Variants in KCNQ5 observed in about 807,000 individuals in gnomAD.
KCNQ5 encodes the protein potassium voltage-gated channel subfamily KQT member 5.
A neutral mutation model predicts 98.2 loss-of-function variants in KCNQ5; 30 were observed. The ratio of observed to expected loss-of-function variants is 0.31; its 90% confidence interval spans 0.23 to 0.41. The LOEUF (loss-of-function observed/expected upper bound fraction) is 0.41, where lower values mean the gene tolerates loss of function less well. Ranked by LOEUF, KCNQ5 falls within the 10% of genes least tolerant of loss-of-function variation. The probability of loss-of-function intolerance (pLI) is 1.00; values close to 1 mark genes in which losing one functional copy is unlikely to be tolerated. For synonymous variants in KCNQ5, 458 were observed against 449.4 expected (o/e 1.02, Z -0.24); for missense variants, 835 against 1,182.5 (o/e 0.71, Z 4.31).
At chr6:73,028,830 A>T (rs544758249) in intron 2 of KCNQ5, among the ~76,000 whole-genome samples, 3 of 152,198 alleles carry the variant, frequency 2.0e-5, no homozygotes, top group Non-Finnish European at 4.4e-5. Context: ...CTCATATATC[A>T]TTAAAGTACT....
At chr6:72,732,538 C>G (rs948881974) in intron 1 of KCNQ5, among the ~76,000 whole-genome samples, 20 of 152,190 alleles carry the variant, frequency 1.3e-4, no homozygotes, top group African/African-American at 4.8e-4. Flanking sequence ...ACTCTTATGT[C>G]TATCTTCAGT....
intron 1 of KCNQ5, among the ~76,000 whole-genome samples, chr6:72,994,570 A>G (rs1769195274): frequency 6.8e-6 from 1 of 148,148 alleles, no homozygotes; most frequent in African/African-American, 2.5e-5. Context: ...GGCACTCCCT[A>G]GTGAGATGAA....
At chr6:72,833,671 T>C (rs1006715775) in intron 1 of KCNQ5, among the ~76,000 whole-genome samples, 3 of 152,132 alleles carry the variant, frequency 2.0e-5, no homozygotes, top group African/African-American at 7.2e-5. Context: ...CTTTGCTTGG[T>C]TGATTTCTAA....
intron 3 of KCNQ5, among the ~76,000 whole-genome samples, chr6:73,068,466 A>C (rs77385907): frequency 0.041 from 6,307 of 152,318 alleles, 157 homozygotes; most frequent in East Asian, 0.11. Flanking sequence ...TAATAATAAT[A>C]GTAATAATAA....
intron 1 of KCNQ5, among the ~76,000 whole-genome samples, chr6:72,969,896 A>G (rs974430978): frequency 1.3e-5 from 2 of 152,174 alleles, no homozygotes; most frequent in African/African-American, 4.8e-5. Flanking sequence ...TCTGATGTCA[A>G]CTTCTGAACC....
At chr6:73,054,171 A>G (rs1209427563) in intron 3 of KCNQ5, among the ~76,000 whole-genome samples, 1 of 152,190 alleles carries the variant, frequency 6.6e-6, no homozygotes, top group African/African-American at 2.4e-5. Flanking sequence ...GACAGAGACC[A>G]ATAATGAGTT....
intron 1 of KCNQ5, among the ~76,000 whole-genome samples, chr6:72,975,440 A>G (rs980428070): frequency 6.6e-6 from 1 of 152,186 alleles, no homozygotes; most frequent in East Asian, 1.9e-4. Flanking sequence ...TCTATAAAAT[A>G]CTTCAGTGAC....
chr6:73,023,733 T>C (rs1433760544), intron 2 of KCNQ5, among the ~76,000 whole-genome samples: 1 of 152,174 alleles, frequency 6.6e-6, no homozygotes, highest in African/African-American at 2.4e-5. Flanking sequence ...TCATCCAAAG[T>C]CCTGGTGCTC....
intron 2 of KCNQ5, among the ~76,000 whole-genome samples, chr6:73,040,226 C>T (rs1385723000): frequency 6.6e-6 from 1 of 152,194 alleles, no homozygotes; most frequent in Non-Finnish European, 1.5e-5. Flanking sequence ...AGAAAAATTA[C>T]TACACGGTAG....
chr6:73,047,681 A>C (rs1772034092), intron 3 of KCNQ5, among the ~76,000 whole-genome samples: 1 of 152,242 alleles, frequency 6.6e-6, no homozygotes. Context: ...CTGTACTATC[A>C]CATGTTACAT....
At chr6:72,661,970 A>G (rs142213921) in intron 1 of KCNQ5, among the ~76,000 whole-genome samples, 1 of 152,214 alleles carries the variant, frequency 6.6e-6, no homozygotes, top group East Asian at 1.9e-4. Flanking sequence ...AACTTATGTG[A>G]TAGAGGTGGC....
At chr6:73,102,855 T>C (rs180670852) in intron 5 of KCNQ5, among the ~76,000 whole-genome samples, 52 of 152,250 alleles carry the variant, frequency 3.4e-4, no homozygotes, top group Non-Finnish European at 6.2e-4. Context: ...GGTGGGAATG[T>C]AAATTAGTAT....
chr6:73,096,413 A>G (rs151143603), intron 5 of KCNQ5, among the ~76,000 whole-genome samples: 1,914 of 150,836 alleles, frequency 0.013, 16 homozygotes, highest in Non-Finnish European at 0.017. Context: ...GAGAGAGAGC[A>G]TGGTAGAAGA....
intron 1 of KCNQ5, among the ~76,000 whole-genome samples, chr6:72,860,112 A>G (rs1301978504): frequency 1.3e-5 from 2 of 152,210 alleles, no homozygotes; most frequent in Non-Finnish European, 2.9e-5. Flanking sequence ...GATGAGAGAC[A>G]GGTCCAATGA....
At chr6:73,167,243 C>T (rs1777837874) in intron 10 of KCNQ5, among the ~76,000 whole-genome samples, 1 of 152,194 alleles carries the variant, frequency 6.6e-6, no homozygotes, top group African/African-American at 2.4e-5. Context: ...ACTCTCATTC[C>T]AACTGGGGCA....
At chr6:72,638,384 A>G (rs940990864) in intron 1 of KCNQ5, among the ~76,000 whole-genome samples, 1 of 152,126 alleles carries the variant, frequency 6.6e-6, no homozygotes, top group Non-Finnish European at 1.5e-5. Context: ...TGCTGCTGAG[A>G]GCTGTTTTCC....
chr6:72,784,035 C>T (rs1469970305), intron 1 of KCNQ5, among the ~76,000 whole-genome samples: 1 of 152,184 alleles, frequency 6.6e-6, no homozygotes, highest in African/African-American at 2.4e-5. Flanking sequence ...GTAACATTCA[C>T]ATTCCAACAT....
chr6:72,831,936 G>A (rs1211566546), intron 1 of KCNQ5, among the ~76,000 whole-genome samples: 1 of 151,970 alleles, frequency 6.6e-6, no homozygotes, highest in African/African-American at 2.4e-5. Context: ...GGCTAACAGA[G>A]AGGGAGGGGG....
chr6:72,729,939 A>T (rs1770475239), intron 1 of KCNQ5, among the ~76,000 whole-genome samples: 1 of 152,102 alleles, frequency 6.6e-6, no homozygotes, highest in Non-Finnish European at 1.5e-5. Flanking sequence ...GGTGGGAGGA[A>T]CCTTTGAGGC....
Sources: allele counts gnomAD v4.1 joint callset (sites outside exome capture counted in the v4.1 genomes callset), GRCh38; gene constraint gnomAD v4.1.1; transcripts MANE v1.5; gene names NCBI Gene and HGNC (gene_info 2026-07-23, HGNC 2026-07-21).